ARAP2: variants seen among roughly 807,000 people sequenced by gnomAD.
ARAP2 encodes ArfGAP with RhoGAP domain, ankyrin repeat and PH domain 2, also known as arf-GAP with Rho-GAP domain, ANK repeat and PH domain-containing protein 2.
In ARAP2, 148 loss-of-function variants were observed where a neutral mutation model predicts 194.5. The ratio of observed to expected loss-of-function variants is 0.76; its 90% CI spans 0.67 to 0.87. ARAP2 has a LOEUF of 0.87. ARAP2 is among the 40% of genes least tolerant of loss of function. The pLI is 0.00. For synonymous variants in ARAP2, 695 were observed against 683.5 expected (o/e 1.02, Z -0.26); for missense variants, 2,128 against 1,989.7 (o/e 1.07, Z -1.32).
intron 13 of ARAP2, chr4:36,160,229 A>G: frequency 9.0e-7 from 1 of 1,116,200 alleles, no homozygotes; most frequent in Non-Finnish European, 1.1e-6. Flanking sequence ...GATTGTGGCA[A>G]CAAGAGTTAG....
At chr4:36,074,963 T>C (rs1037394845) in intron 31 of ARAP2, among the ~76,000 whole-genome samples, 5 of 152,186 alleles carry the variant, frequency 3.3e-5, no homozygotes, top group Non-Finnish European at 7.4e-5. Flanking sequence ...GCATCGTATC[T>C]ACCCTTGAAT....
chr4:36,073,559 T>C (rs1727540490), intron 32 of ARAP2, 130 bp downstream of exon 32: 2 of 1,082,764 alleles, frequency 1.8e-6, no homozygotes, highest in African/African-American at 3.2e-5. Context: ...TATGTGATTA[T>C]TACCATGCTT....
At chr4:36,149,209 T>C (rs1730344018) in intron 16 of ARAP2, among the ~76,000 whole-genome samples, 1 of 152,152 alleles carries the variant, frequency 6.6e-6, no homozygotes, top group African/African-American at 2.4e-5. Context: ...GCCTGTTGTA[T>C]CCCCTTCATG....
In ARAP2 at chr4:36,095,382, C is replaced by T. The variant is rs149236778; in HGVS notation, c.4286-3362G>A. ...ACATTCAAGTTAGATAATTTTTGAT[C>T]TGGTTTTACAAGCCAGAAAATAAGA... is the stretch of plus-strand genomic sequence containing the variant. On this transcript the variant is annotated intron_variant, in intron 27 of 32. Coordinates refer to ENST00000303965, the MANE Select transcript of ARAP2 (RefSeq NM_015230.4). Among the ~76,000 whole-genome samples the T allele has an allele frequency of 6.4e-3, 969 of 152,148 alleles. 6 individuals are homozygous for T. The highest frequency in any genetic ancestry group is 0.022 in the African/African-American group (917 of 41,504).
chr4:36,214,542 T>C, intron 2 of ARAP2, 62 bp from the exon 3 acceptor site: 1 of 1,074,312 alleles, frequency 9.3e-7, no homozygotes, highest in East Asian at 2.8e-5. Flanking sequence ...ATGAGTAAAA[T>C]TAAAATTATT....
chr4:36,244,360 G>C lies in ARAP2; in HGVS notation c.-341C>G, dbSNP rs1486351095. Reference sequence around the variant, plus strand: ...CTCTGCTGCCTGGCGGCGGCCGCGCGGGCGGCGCTGTTAGTGGGGCCGGCG... The same window carrying C: ...CTCTGCTGCCTGGCGGCGGCCGCGCCGGCGGCGCTGTTAGTGGGGCCGGCG... On this transcript the variant is annotated 5_prime_UTR_variant, in exon 1 of 33. Transcript: ENST00000303965. 1 of 151,214 alleles carries C rather than the reference G, an allele frequency of 6.6e-6. No homozygotes were observed. The highest frequency in any genetic ancestry group is 2.1e-4 in the South Asian group (1 of 4,834). 9.4% of individuals were successfully genotyped at this position (151,214 alleles called of 1,614,324 possible). A position where few individuals can be genotyped will look rare whatever the true frequency, so the allele number is the denominator to read the frequency against.
At chr4:36,155,763 C>T (rs777290823) in intron 15 of ARAP2, among the ~76,000 whole-genome samples, 4 of 151,338 alleles carry the variant, frequency 2.6e-5, no homozygotes, top group African/African-American at 9.7e-5. Context: ...CCCAGGTTCA[C>T]GTCATTCTCC....
In ARAP2 at chr4:36,185,030, T is replaced by C. The variant is rs867832949; in HGVS notation, c.1678+2421A>G. ...CTTGAGGGCAGGGGTTTGCACACTT[T>C]GTCTTTGAAAATTCAGATAGTAAAC... is the stretch of plus-strand genomic sequence containing the variant. On this transcript the variant is annotated intron_variant, in intron 8 of 32. Coordinates refer to ENST00000303965, the MANE Select transcript of ARAP2 (RefSeq NM_015230.4). 4.5e-4 allele frequency among the ~76,000 whole-genome samples: 69 copies of C among 152,350 alleles called. 1 individual carries two copies. The highest frequency in any genetic ancestry group is 1.5e-3 in the African/African-American group (63 of 41,584).
intron 2 of ARAP2, among the ~76,000 whole-genome samples, chr4:36,216,337 C>A (rs1747934639): frequency 1.3e-5 from 2 of 152,158 alleles, no homozygotes; most frequent in African/African-American, 4.8e-5. Flanking sequence ...CCACCACATA[C>A]ACATTAGAAT....
At chr4:36,220,455 T>A (rs1016340959) in intron 2 of ARAP2, among the ~76,000 whole-genome samples, 1 of 152,190 alleles carries the variant, frequency 6.6e-6, no homozygotes, top group Non-Finnish European at 1.5e-5. Flanking sequence ...GTATAGTGCA[T>A]AAAATTATGC....
chr4:36,047,283 G>C (rs1186636607), intron 3 of ARAP2: 2 of 152,280 alleles, frequency 1.3e-5, no homozygotes, highest in Non-Finnish European at 1.5e-5. Context: ...TTCACCAGGG[G>C]ACAAAGTTAT....
At chr4:36,198,500 C>T (rs1189247918) in intron 6 of ARAP2, among the ~76,000 whole-genome samples, 1 of 152,212 alleles carries the variant, frequency 6.6e-6, no homozygotes, top group Non-Finnish European at 1.5e-5. Context: ...GTTCATGGCG[C>T]CCAGGCTGTT....
rs775209531 is a variant in ARAP2 at position 36,114,241 on chromosome 4, G to T, written c.4085C>A (p.Ala1362Glu). 6.3e-7 allele frequency: 1 copy of T among 1,599,376 alleles called. No homozygotes were observed. Among genetic ancestry groups the T allele is most frequent in the Non-Finnish European group, 8.6e-7 (1 of 1,168,848 alleles). Residue 1362 changes from alanine to glutamate, a missense_variant, in exon 26 of 33, where the codon GCG (alanine) becomes GAG (glutamate). By Grantham distance (107) the Ala-to-Glu change is moderately radical. Transcript: ENST00000303965. ...EAEELTNDIL[A>E]IKNIIPTKGD... ...TTTTGTAGGAATAATATTTTTTATC[G>T]CTAATATATCATTAGTTAATTCTTC... is the stretch of plus-strand genomic sequence containing the variant.
At position 36,229,274 on chromosome 4, in the gene ARAP2, C is replaced by CAAAA; in HGVS notation, c.212_213insTTTT (p.Met71IlefsTer13). 6.2e-7 allele frequency: 1 copy of CAAAA among 1,613,904 alleles called. No individual in the cohort carries two copies. Among genetic ancestry groups the CAAAA allele is most frequent in the Non-Finnish European group, 8.5e-7 (1 of 1,179,866 alleles). ...CATTTGCATATATTGGAATATCTTG[C>CAAAA]ATTTTTGACAAGATTATCTGTAACT... On this transcript the variant is annotated frameshift_variant, in exon 2 of 33. Transcript: ENST00000303965. LOFTEE classifies it high-confidence loss of function.
At position 36,068,288 on chromosome 4, in the gene ARAP2, A is replaced by T. The variant is rs1725982407; in HGVS notation, c.4744-10T>A. ...GTTCTGCTCTTGCACTCTAAAAATAAAATTAAATGTCTCACAGGGAAGCAA... is the reference window on the plus strand; with the variant it reads ...GTTCTGCTCTTGCACTCTAAAAATATAATTAAATGTCTCACAGGGAAGCAA... On this transcript the variant is annotated splice_polypyrimidine_tract_variant and intron_variant, in intron 32 of 32. Coordinates refer to ENST00000303965, the MANE Select transcript of ARAP2 (RefSeq NM_015230.4). 1 of 1,510,018 alleles carries T rather than the reference A, an allele frequency of 6.6e-7. No homozygotes were observed. The allele number at this position is 1,510,018 out of a possible 1,614,324, so 93.5% of individuals were successfully genotyped here. A position where few individuals can be genotyped will look rare whatever the true frequency, so the allele number is the denominator to read the frequency against.
chr4:36,116,460 C>T (rs1404840718), intron 25 of ARAP2, among the ~76,000 whole-genome samples: 1 of 151,848 alleles, frequency 6.6e-6, no homozygotes, highest in Non-Finnish European at 1.5e-5. Context: ...TGTCAAACAT[C>T]TATTTTTAAT....
intron 24 of ARAP2, among the ~76,000 whole-genome samples, chr4:36,118,708 G>A (rs1360324506): frequency 2.0e-5 from 3 of 151,390 alleles, no homozygotes; most frequent in African/African-American, 7.3e-5. Context: ...CCCAAAAAAA[G>A]TGAGAATTTA....
rs147895797 is a variant in ARAP2, at chr4:36,041,821, C to T, written n.607+4158G>A. 5.6e-3 allele frequency among the ~76,000 whole-genome samples: 850 copies of T among 152,268 alleles called. 15 individuals are homozygous for T. Among genetic ancestry groups the T allele is most frequent in the Non-Finnish European group, 9.8e-3 (667 of 68,018 alleles). ...GGATAAAGAAAATGAGGTACATATACACCATGTAATACTATGCTGCCATAA... is the reference window on the plus strand; with the variant it reads ...GGATAAAGAAAATGAGGTACATATATACCATGTAATACTATGCTGCCATAA... On this transcript the variant is annotated intron_variant and non_coding_transcript_variant, in intron 5 of 12. Coordinates refer to the ARAP2 transcript ENST00000503225.
intron 6 of ARAP2, among the ~76,000 whole-genome samples, chr4:36,199,384 C>T (rs956447704): frequency 2.0e-5 from 3 of 152,148 alleles, no homozygotes; most frequent in Non-Finnish European, 2.9e-5. Flanking sequence ...CTCCACCTCC[C>T]GGGTTCAAGT....
Sources: gnomAD v4.1 joint callset for allele counts (sites outside exome capture counted in the v4.1 genomes callset) on GRCh38, gnomAD v4.1.1 for gene constraint, MANE v1.5 for transcripts, NCBI Gene and HGNC (gene_info 2026-07-23, HGNC 2026-07-21) for gene names.